CIMAP3: variants seen among roughly 807,000 people sequenced by gnomAD.
The protein encoded by CIMAP3 is ciliary microtubule associated protein 3.
chr1:111,329,205 G>A, the CIMAP3 span, among the ~76,000 whole-genome samples: 53 of 152,090 alleles, frequency 3.5e-4, no homozygotes, highest in East Asian at 1.4e-3. Flanking sequence ...GGGTTTCAGC[G>A]GAGAGGTCAC....
the CIMAP3 span, among the ~76,000 whole-genome samples, chr1:111,325,473 C>T: frequency 6.6e-6 from 1 of 152,122 alleles, no homozygotes; most frequent in African/African-American, 2.4e-5. Flanking sequence ...TATTTTCCTC[C>T]TCTCTTTCTC....
chr1:111,326,428 T>C, the CIMAP3 span, among the ~76,000 whole-genome samples: 1 of 152,172 alleles, frequency 6.6e-6, no homozygotes, highest in Non-Finnish European at 1.5e-5. Context: ...TTATTTCACT[T>C]AACATAATGA....
the CIMAP3 span, among the ~76,000 whole-genome samples, chr1:111,327,601 C>T: frequency 2.6e-5 from 4 of 151,968 alleles, no homozygotes; most frequent in African/African-American, 9.7e-5. Flanking sequence ...TGTATGTGTC[C>T]AGGAATTTAT....
the CIMAP3 span, among the ~76,000 whole-genome samples, chr1:111,339,997 C>T: frequency 1.1e-4 from 17 of 151,616 alleles, no homozygotes; most frequent in East Asian, 3.3e-3. Flanking sequence ...GGTACTGGTA[C>T]CAAAACAGAG....
chr1:111,327,029 A>G, the CIMAP3 span, among the ~76,000 whole-genome samples: 1 of 152,236 alleles, frequency 6.6e-6, no homozygotes, highest in African/African-American at 2.4e-5. Context: ...ATTTTCTCCC[A>G]TTCAACAGGT....
chr1:111,347,834 G>A, the CIMAP3 span: 3 of 1,201,198 alleles, frequency 2.5e-6, no homozygotes, highest in South Asian at 2.5e-5. Context: ...GGAGTGCAAA[G>A]GGCAGAGAGC....
chr1:111,342,780 T>C, the CIMAP3 span, among the ~76,000 whole-genome samples: 1 of 152,216 alleles, frequency 6.6e-6, no homozygotes, highest in Non-Finnish European at 1.5e-5. Flanking sequence ...TTTTCCAATG[T>C]AGAAACTGAA....
the CIMAP3 span, among the ~76,000 whole-genome samples, chr1:111,336,213 T>G: frequency 6.6e-6 from 1 of 151,870 alleles, no homozygotes; most frequent in African/African-American, 2.4e-5. Flanking sequence ...ATCACCATCA[T>G]CAAAGAACAT....
At chr1:111,334,002 A>AT in the CIMAP3 span, among the ~76,000 whole-genome samples, 1 of 152,172 alleles carries the variant, frequency 6.6e-6, no homozygotes, top group Non-Finnish European at 1.5e-5. Context: ...AGAATTGATG[A>AT]TTTTTACTTT....
the CIMAP3 span, chr1:111,347,618 C>CTTTTTTTTTTTTTTTTTTTTTGTTTTTTT: frequency 4.3e-6 from 4 of 928,428 alleles, no homozygotes; most frequent in East Asian, 2.7e-5. Context: ...GTTGTTTTTT[C>CTTTTTTTTTTTTTTTTTTTTTGTTTTTTT]TTTCTTTTTT....
At chr1:111,351,493 G>A in the CIMAP3 span, 3 of 534,594 alleles carry the variant, frequency 5.6e-6, no homozygotes, top group South Asian at 3.0e-5. Flanking sequence ...AAAGACTAGT[G>A]CACAGTGCTA....
the CIMAP3 span, among the ~76,000 whole-genome samples, chr1:111,339,133 G>A: frequency 6.6e-6 from 1 of 151,662 alleles, no homozygotes; most frequent in Admixed American, 6.6e-5. Flanking sequence ...ATGCAGAAAA[G>A]GCCTTTGACA....
chr1:111,343,349 A>G, the CIMAP3 span, among the ~76,000 whole-genome samples: 1 of 152,248 alleles, frequency 6.6e-6, no homozygotes, highest in African/African-American at 2.4e-5. Flanking sequence ...TGGAATAATA[A>G]TAATTCTTAT....
chr1:111,338,498 A>G, the CIMAP3 span, among the ~76,000 whole-genome samples: 3 of 151,922 alleles, frequency 2.0e-5, no homozygotes, highest in Admixed American at 6.6e-5. Context: ...TCAAATAGAC[A>G]CAATAAAAAA....
At chr1:111,341,472 A>T in the CIMAP3 span, among the ~76,000 whole-genome samples, 41 of 152,268 alleles carry the variant, frequency 2.7e-4, no homozygotes, top group Admixed American at 2.6e-3. Context: ...GAGTGGACAA[A>T]TGTGGGCCTG....
chr1:111,337,742 T>A, the CIMAP3 span, among the ~76,000 whole-genome samples: 5 of 152,072 alleles, frequency 3.3e-5, no homozygotes, highest in African/African-American at 9.7e-5. Flanking sequence ...CACACAACAA[T>A]AATGGGAGAC....
the CIMAP3 span, chr1:111,351,358 T>TA: frequency 6.6e-7 from 1 of 1,505,230 alleles, no homozygotes; most frequent in Non-Finnish European, 9.0e-7. Flanking sequence ...GTGCTCCTCT[T>TA]ATACACAGAC....
chr1:111,347,607 C>T, the CIMAP3 span: 6 of 993,870 alleles, frequency 6.0e-6, no homozygotes, highest in African/African-American at 3.5e-5. Flanking sequence ...TCTGACTATG[C>T]GTTGTTTTTT....
chr1:111,347,067 C>T, the CIMAP3 span: 1 of 1,586,564 alleles, frequency 6.3e-7, no homozygotes, highest in East Asian at 2.3e-5. Flanking sequence ...TTCACCTCCC[C>T]TTAGATGCTC....
Sources: allele counts gnomAD v4.1 joint callset (sites outside exome capture counted in the v4.1 genomes callset), GRCh38; gene constraint gnomAD v4.1.1; transcripts MANE v1.5; gene names NCBI Gene and HGNC (gene_info 2026-07-23, HGNC 2026-07-21).